The following PSMA1 variants were observed in gnomAD, a reference collection of about 807,000 sequenced individuals.
PSMA1 encodes proteasome subunit alpha type-1.
A neutral mutation model predicts 38.4 loss-of-function variants in PSMA1; 3 were observed. That is an observed-to-expected ratio of 0.08 (90% CI 0.04 to 0.20). The LOEUF is 0.20. Among genes scored for constraint, PSMA1 ranks in the 10% least tolerant of loss-of-function variants. PSMA1 has a pLI of 1.00. For missense variants in PSMA1, 227 were observed against 325.3 expected (o/e 0.70, Z 2.32); for synonymous variants, 101 against 107.1 (o/e 0.94, Z 0.35).
At chr11:14,627,264 C>T (rs969813789) in intron 1 of PSMA1, among the ~76,000 whole-genome samples, 6 of 152,098 alleles carry the variant, frequency 3.9e-5, no homozygotes, top group Non-Finnish European at 8.8e-5. Flanking sequence ...TGTTCAAATC[C>T]ATTCCAGGGT....
At chr11:14,561,364 G>T (rs1312639332) in intron 2 of PSMA1, among the ~76,000 whole-genome samples, 1 of 152,118 alleles carries the variant, frequency 6.6e-6, no homozygotes. Context: ...CCACATAGTT[G>T]CCTGCTAATG....
chr11:14,507,139 A>G (rs2134140370), intron 9 of PSMA1, among the ~76,000 whole-genome samples: 1 of 152,078 alleles, frequency 6.6e-6, no homozygotes, highest in South Asian at 2.1e-4. Flanking sequence ...AGCAATAGAT[A>G]ACCAAATAAT....
intron 1 of PSMA1, among the ~76,000 whole-genome samples, chr11:14,634,465 G>A (rs946387696): frequency 6.6e-6 from 1 of 151,892 alleles, no homozygotes; most frequent in Non-Finnish European, 1.5e-5. Flanking sequence ...TTTTTTTGAA[G>A]GCGAAGATTC....
intron 2 of PSMA1, among the ~76,000 whole-genome samples, chr11:14,590,937 C>G (rs771919728): frequency 2.0e-5 from 3 of 152,260 alleles, no homozygotes; most frequent in Non-Finnish European, 4.4e-5. Context: ...TCGCTCTAGG[C>G]GCCTCCTCTG....
chr11:14,606,353 G>A (rs902285377), intron 2 of PSMA1, among the ~76,000 whole-genome samples: 1 of 151,766 alleles, frequency 6.6e-6, no homozygotes, highest in Non-Finnish European at 1.5e-5. Flanking sequence ...GGAGGTCAAG[G>A]CTGCAGTGAG....
intron 2 of PSMA1, among the ~76,000 whole-genome samples, chr11:14,527,017 C>T (rs1851593601): frequency 6.6e-6 from 1 of 152,170 alleles, no homozygotes; most frequent in Non-Finnish European, 1.5e-5. Context: ...AATATGCCTT[C>T]CATATCTTGC....
At chr11:14,600,358 A>G (rs1852564896) in intron 2 of PSMA1, among the ~76,000 whole-genome samples, 1 of 152,174 alleles carries the variant, frequency 6.6e-6, no homozygotes. Flanking sequence ...ACAGAGGTGA[A>G]GTCTAGAGGC....
At chr11:14,617,890 T>G (rs1026589971) in intron 1 of PSMA1, among the ~76,000 whole-genome samples, 1 of 152,124 alleles carries the variant, frequency 6.6e-6, no homozygotes, top group Admixed American at 6.6e-5. Flanking sequence ...AGAAGTACAG[T>G]GTGGAGGACA....
At chr11:14,581,683 G>GA (rs1565050045) in intron 2 of PSMA1, among the ~76,000 whole-genome samples, 1 of 151,944 alleles carries the variant, frequency 6.6e-6, no homozygotes, top group Non-Finnish European at 1.5e-5. Context: ...AATAGCTTAA[G>GA]AAAAAAAGAG....
chr11:14,609,521 A>G (rs1726271232), intron 2 of PSMA1, among the ~76,000 whole-genome samples: 2 of 152,208 alleles, frequency 1.3e-5, no homozygotes, highest in Non-Finnish European at 2.9e-5. Context: ...TGGAGTTATG[A>G]GATGTTGAGA....
At chr11:14,624,387 C>G (rs538540965) in intron 1 of PSMA1, among the ~76,000 whole-genome samples, 59 of 152,214 alleles carry the variant, frequency 3.9e-4, no homozygotes, top group African/African-American at 1.2e-3. Flanking sequence ...AACTCAGAGA[C>G]CTCTATATGG....
chr11:14,627,466 T>C (rs1360185557), intron 1 of PSMA1, among the ~76,000 whole-genome samples: 1 of 152,172 alleles, frequency 6.6e-6, no homozygotes, highest in South Asian at 2.1e-4. Flanking sequence ...GGATGGTTCT[T>C]GTGTACCAAA....
intron 1 of PSMA1, among the ~76,000 whole-genome samples, chr11:14,635,220 T>C (rs917871666): frequency 1.3e-5 from 2 of 152,234 alleles, no homozygotes; most frequent in Non-Finnish European, 2.9e-5. Flanking sequence ...GAGCCATAGT[T>C]TTGATTTGTT....
At chr11:14,605,571 G>A (rs962551335) in intron 2 of PSMA1, among the ~76,000 whole-genome samples, 1 of 152,048 alleles carries the variant, frequency 6.6e-6, no homozygotes, top group Non-Finnish European at 1.5e-5. Context: ...ATTTTTTATA[G>A]AGACGGGGTC....
At chr11:14,515,558 T>C (rs1334776323) in intron 4 of PSMA1, among the ~76,000 whole-genome samples, 1 of 151,098 alleles carries the variant, frequency 6.6e-6, no homozygotes, top group African/African-American at 2.4e-5. Context: ...TGAAATTCTT[T>C]TTTTTTTTTT....
chr11:14,624,676 G>C (rs1215975565), intron 1 of PSMA1, among the ~76,000 whole-genome samples: 4 of 152,168 alleles, frequency 2.6e-5, no homozygotes, highest in African/African-American at 9.6e-5. Context: ...TCTTGGCAGG[G>C]GTAATCAACC....
rs117129545 is a variant in PSMA1, at chr11:14,548,716, T to C, written c.22-29675A>G. Among the ~76,000 whole-genome samples, 576 of 152,324 alleles carry C rather than the reference T, an allele frequency of 3.8e-3. 2 individuals carry two copies. The highest frequency in any genetic ancestry group is 6.3e-3 in the Non-Finnish European group (429 of 68,026). ...CACACAGACACATACATCATGTGGATAGACATATGTAACATAGGTAACCAA... is the reference window on the plus strand; with the variant it reads ...CACACAGACACATACATCATGTGGACAGACATATGTAACATAGGTAACCAA... On this transcript the variant is annotated intron_variant, in intron 2 of 10. Transcript: ENST00000418988.
chr11:14,598,841 G>T (rs188447700), intron 2 of PSMA1, among the ~76,000 whole-genome samples: 1 of 151,974 alleles, frequency 6.6e-6, no homozygotes, highest in African/African-American at 2.4e-5. Context: ...TAGCATTGAT[G>T]ATCTTCACAA....
At chr11:14,547,015 T>G (rs1226643042) in intron 2 of PSMA1, among the ~76,000 whole-genome samples, 1 of 152,238 alleles carries the variant, frequency 6.6e-6, no homozygotes, top group African/African-American at 2.4e-5. Flanking sequence ...AAACAGTGGC[T>G]CAAGTTGTTA....
Sources: allele counts gnomAD v4.1 joint callset (sites outside exome capture counted in the v4.1 genomes callset), GRCh38; gene constraint gnomAD v4.1.1; transcripts MANE v1.5; gene names NCBI Gene and HGNC (gene_info 2026-07-23, HGNC 2026-07-21).